REL: variants seen among roughly 807,000 people sequenced by gnomAD.
The protein encoded by REL is proto-oncogene c-Rel.
Under a neutral mutation model 45.9 loss-of-function variants are expected in REL, and 15 were observed. That is an observed-to-expected ratio of 0.33 (90% confidence interval 0.22 to 0.50). REL has a LOEUF of 0.50. Among genes scored for constraint, REL ranks in the 20% least tolerant of loss-of-function variants. REL has a pLI of 0.98. For synonymous variants in REL, 239 were observed against 242.1 expected, an observed-to-expected ratio of 0.99 and a Z score of 0.12; for missense variants, 601 against 715.2, an observed-to-expected ratio of 0.84 and a Z score of 1.82.
chr2:60,916,948 C>A lies in REL; in HGVS notation c.466C>A (p.Leu156Ile). Residue 156 changes from leucine (L) to isoleucine (I), a missense_variant, in exon 5 of 10, where the codon CTC becomes ATC. Coordinates refer to ENST00000394479, the MANE Select transcript of REL (RefSeq NM_001291746.2). ...NVVRLCFQVF[L>I]PDEHGNLTTA... is the part of the protein sequence containing the mutation. ...GGTGAGACTGTGTTTTCAAGTTTTT[C>A]TCCCTGATGAACATGGTAATTTGAC... 1 of 1,613,402 alleles carries A rather than the reference C, an allele frequency of 6.2e-7. No homozygotes were observed. The highest frequency in any genetic ancestry group is 8.5e-7 in the Non-Finnish European group (1 of 1,179,522).
At position 60,928,848 on chromosome 2, in the gene REL, G is replaced by T. The variant is rs1436428455; in HGVS notation, c.*6313G>T. The T allele has an allele frequency of 4.0e-5, 6 of 149,828 alleles. No homozygotes were observed. The highest frequency in any genetic ancestry group is 4.2e-4 in the South Asian group (2 of 4,742). 9.3% of individuals were successfully genotyped at this position (149,828 alleles called of 1,614,324 possible). On this transcript the variant is annotated 3_prime_UTR_variant, in exon 10 of 10. Transcript: ENST00000394479. The stretch of plus-strand genomic sequence containing the variant: ...TGGGATCTAATTAAACTAAAGAGCT[G>T]CTGCACAGCAAAAGAAACTACCATC...
intron 1 of REL, among the ~76,000 whole-genome samples, chr2:60,884,135 A>C (rs1673015070): frequency 6.6e-6 from 1 of 151,018 alleles, no homozygotes; most frequent in Non-Finnish European, 1.5e-5. Flanking sequence ...TTAGTTTTTC[A>C]TTGTCTAGTT....
chr2:60,920,360 C>G, intron 8 of REL: 1 of 618,238 alleles, frequency 1.6e-6, no homozygotes, highest in South Asian at 2.0e-5. Flanking sequence ...GCCACCACAC[C>G]CGGCTAATTT....
At chr2:60,914,023 G>C (rs1193415810) in intron 4 of REL, among the ~76,000 whole-genome samples, 1 of 152,208 alleles carries the variant, frequency 6.6e-6, no homozygotes, top group Non-Finnish European at 1.5e-5. Flanking sequence ...TCAACACCTA[G>C]TGGAGATACA....
At position 60,920,568 on chromosome 2, in the gene REL, T is replaced by A; in HGVS notation, c.923-6T>A. 6.3e-7 allele frequency: 1 copy of A among 1,583,618 alleles called. No homozygotes were observed. The highest frequency in any genetic ancestry group is 2.0e-4 in the Middle Eastern group (1 of 4,880). ...ATTTAATAATGGAAAAACTTTATCC[T>A]AACAGTTAATTTTCCTGAGAGACCA... On this transcript the variant is annotated splice_polypyrimidine_tract_variant and splice_region_variant and intron_variant, in intron 8 of 9. Coordinates refer to ENST00000394479, the MANE Select transcript of REL (RefSeq NM_001291746.2).
Position 60,923,830 on chromosome 2 carries a change from A to G in REL, c.*1295A>G. 1 of 232,924 alleles carries G rather than the reference A, an allele frequency of 4.3e-6. No individual in the cohort carries two copies. Among genetic ancestry groups the G allele is most frequent in the Non-Finnish European group, 8.5e-6 (1 of 117,904 alleles). The allele number at this position is 232,924 out of a possible 1,614,324, so 14.4% of individuals were successfully genotyped here. On this transcript the variant is annotated 3_prime_UTR_variant, in exon 10 of 10. Transcript: ENST00000394479. ...CTTGCATTCCTACAGTCTGTTCCCC[A>G]TAAAGTAGCCAGAATGATTATTTTT...
chr2:60,890,733 T>A (rs1673187918), intron 1 of REL, among the ~76,000 whole-genome samples: 1 of 152,212 alleles, frequency 6.6e-6, no homozygotes, highest in Admixed American at 6.5e-5. Flanking sequence ...TTTGACAAGT[T>A]TTGACATATG....
At chr2:60,896,587 T>A (rs1367926241) in intron 3 of REL, among the ~76,000 whole-genome samples, 1 of 152,014 alleles carries the variant, frequency 6.6e-6, no homozygotes, top group African/African-American at 2.4e-5. Context: ...TAGAAAAAAA[T>A]ACTTTAAATG....
At chr2:60,903,727 C>T (rs1405050016) in intron 4 of REL, among the ~76,000 whole-genome samples, 1 of 152,144 alleles carries the variant, frequency 6.6e-6, no homozygotes, top group Non-Finnish European at 1.5e-5. Flanking sequence ...CACAGGGTTT[C>T]ACCATGTCAG....
At position 60,921,922 on chromosome 2, in the gene REL, C is replaced by T; in HGVS notation, c.1151C>T (p.Ala384Val). 1.2e-6 allele frequency: 2 copies of T among 1,614,054 alleles called. No individual in the cohort carries two copies. The highest frequency in any genetic ancestry group is 1.7e-6 in the Non-Finnish European group (2 of 1,179,988). ...CCTTCTTCAAGCTGGTCATCAGTGG[C>T]CCACCCCACCCCACGCTCAGGCAAT... Reference protein sequence around the residue: ...PLPSSSWSSVAHPTPRSGNTN... With the variant: ...PLPSSSWSSVVHPTPRSGNTN... The change falls in exon 10 of 10, where the codon GCC becomes GTC. Residue 384 changes from alanine (A) to valine (V), a missense_variant. Coordinates refer to ENST00000394479, the MANE Select transcript of REL (RefSeq NM_001291746.2).
At chr2:60,906,557 A>T (rs1673655734) in intron 4 of REL, among the ~76,000 whole-genome samples, 1 of 152,032 alleles carries the variant, frequency 6.6e-6, no homozygotes, top group Non-Finnish European at 1.5e-5. Flanking sequence ...TTTCCATTCT[A>T]GCTTTCATTC....
At position 60,881,724 on chromosome 2, in the gene REL, G is replaced by T. The variant is rs1573305425; in HGVS notation, c.-117G>T. On this transcript the variant is annotated 5_prime_UTR_variant, in exon 1 of 10. Coordinates refer to ENST00000394479, the MANE Select transcript of REL (RefSeq NM_001291746.2). The stretch of plus-strand genomic sequence containing the variant: ...GAAGAAGGAGGAGGCCTCTAGGGTG[G>T]TCGGGGGACTGGGGGCCCCGCCGGC... 3 of 829,018 alleles carry T rather than the reference G, an allele frequency of 3.6e-6. No homozygotes were observed. The East Asian group carries it at 9.0e-5, about 25-fold the overall frequency. The allele number at this position is 829,018 out of a possible 1,614,324, so 51.4% of individuals were successfully genotyped here. A position where few individuals can be genotyped will look rare whatever the true frequency, so the allele number is the denominator to read the frequency against.
intron 4 of REL, among the ~76,000 whole-genome samples, chr2:60,912,180 A>G (rs924826124): frequency 2.0e-5 from 3 of 152,174 alleles, no homozygotes; most frequent in Non-Finnish European, 4.4e-5. Context: ...TGGGATAAGA[A>G]TAGATAGATT....
intron 3 of REL, chr2:60,899,782 C>A (rs1313099915): frequency 6.6e-6 from 1 of 152,290 alleles, no homozygotes; most frequent in Non-Finnish European, 1.5e-5. Flanking sequence ...GAGTTCCCCC[C>A]ACCATCGTCT....
rs1017379069 is a variant in REL at position 60,881,598 on chromosome 2, C to T, written c.-243C>T. The T allele has an allele frequency of 4.0e-6, 2 of 502,114 alleles. No individual in the cohort carries two copies. The highest frequency in any genetic ancestry group is 3.9e-5 in the Admixed American group (1 of 25,816). 31.1% of individuals were successfully genotyped at this position (502,114 alleles called of 1,614,324 possible). A position where few individuals can be genotyped will look rare whatever the true frequency, so the allele number is the denominator to read the frequency against. ...CACTCGGCTCTCCCCGCTCCGCCCC[C>T]TGCCCCTGGCTCCCGTACGGTGGAC... On this transcript the variant is annotated 5_prime_UTR_variant, in exon 1 of 10. Coordinates refer to ENST00000394479, the MANE Select transcript of REL (RefSeq NM_001291746.2).
rs778594670 is a variant in REL at position 60,922,442 on chromosome 2, T to A, written c.1671T>A (p.His557Gln). 6.2e-7 allele frequency: 1 copy of A among 1,614,048 alleles called. No homozygotes were observed. The change falls in exon 10 of 10, where the codon CAT becomes CAA. Residue 557 changes from histidine to glutamine, a missense_variant. His to Gln is a conservative substitution (Grantham distance 24). Coordinates refer to ENST00000394479, the MANE Select transcript of REL (RefSeq NM_001291746.2). ...GPSNSTNPNSHGFVQDSQYSG... is the reference protein window; with the variant it reads ...GPSNSTNPNSQGFVQDSQYSG... ...CAAACAGTACTAATCCAAACAGTCA[T>A]GGTTTTGTTCAAGATAGTCAGTATT...
At chr2:60,887,025 G>A (rs1014832892) in intron 1 of REL, among the ~76,000 whole-genome samples, 7 of 152,146 alleles carry the variant, frequency 4.6e-5, no homozygotes, top group African/African-American at 1.4e-4. Flanking sequence ...AAACTGTGGC[G>A]ATTTGAGGTT....
At chr2:60,920,548 A>G (rs1430359888) in intron 8 of REL, 26 bp from the exon 9 acceptor site, 9 of 1,525,128 alleles carry the variant, frequency 5.9e-6, no homozygotes, top group Non-Finnish European at 6.4e-6. Context: ...ATGACATTTA[A>G]TAATGGAAAA....
chr2:60,913,990 T>C (rs1388150478), intron 4 of REL, among the ~76,000 whole-genome samples: 1 of 152,234 alleles, frequency 6.6e-6, no homozygotes, highest in Non-Finnish European at 1.5e-5. Context: ...TGAGAAAATG[T>C]ATAATAAATA....
Sources: allele counts gnomAD v4.1 joint callset (sites outside exome capture counted in the v4.1 genomes callset), GRCh38; gene constraint gnomAD v4.1.1; transcripts MANE v1.5; gene names NCBI Gene and HGNC (gene_info 2026-07-23, HGNC 2026-07-21).